MCCC2: variants seen among roughly 807,000 people sequenced by gnomAD.
The protein encoded by MCCC2 is methylcrotonoyl-CoA carboxylase beta chain, mitochondrial.
MCCC2 carries 52 observed loss-of-function variants against 77.2 expected under a neutral mutation model. That is an observed-to-expected ratio of 0.67 (90% CI 0.54 to 0.85). MCCC2 has a LOEUF of 0.85. Ranked by LOEUF, MCCC2 falls within the 40% of genes least tolerant of loss-of-function variation. The probability of loss-of-function intolerance (pLI) is 0.00; values close to 1 mark genes in which losing one functional copy is unlikely to be tolerated. For synonymous variants in MCCC2, 253 were observed against 248.4 expected, an observed-to-expected ratio of 1.02 and a Z score of -0.18; for missense variants, 682 against 703.2, an observed-to-expected ratio of 0.97 and a Z score of 0.34.
intron 6 of MCCC2, among the ~76,000 whole-genome samples, 161 bp from the exon 7 acceptor site, chr5:71,626,479 C>T (rs1746529560): frequency 6.6e-6 from 1 of 152,174 alleles, no homozygotes; most frequent in African/African-American, 2.4e-5. Context: ...AGTCAGAAAA[C>T]TATTTCAAAC....
chr5:71,644,972 T>G (rs558180568), intron 12 of MCCC2, among the ~76,000 whole-genome samples: 17 of 152,318 alleles, frequency 1.1e-4, no homozygotes, highest in African/African-American at 3.8e-4. Context: ...TAGTTTCCTT[T>G]TTTTAAAAAA....
At position 71,656,944 on chromosome 5, in the gene MCCC2, G is replaced by A. The variant is rs1747598043; in HGVS notation, c.*84G>A. 2 of 1,029,334 alleles carry A rather than the reference G, an allele frequency of 1.9e-6. No individual in the cohort carries two copies. The highest frequency in any genetic ancestry group is 3.1e-6 in the Non-Finnish European group (2 of 652,816). 63.8% of individuals were successfully genotyped at this position (1,029,334 alleles called of 1,614,324 possible). On this transcript the variant is annotated 3_prime_UTR_variant, in exon 17 of 17. Coordinates refer to ENST00000340941, the MANE Select transcript of MCCC2 (RefSeq NM_022132.5). The stretch of plus-strand genomic sequence containing the variant: ...TTAAAATTTTAGACTTCTCGAACAT[G>A]AGGCTGTTACAGTAATTTTTTTAAC...
At chr5:71,631,860 G>T (rs190362977) in intron 7 of MCCC2, among the ~76,000 whole-genome samples, 1 of 151,892 alleles carries the variant, frequency 6.6e-6, no homozygotes, top group Admixed American at 6.6e-5. Context: ...AGCTGGAAAC[G>T]TGTGGGCTCA....
intron 16 of MCCC2, among the ~76,000 whole-genome samples, chr5:71,653,648 G>A (rs1358799598): frequency 1.3e-5 from 2 of 151,978 alleles, no homozygotes; most frequent in African/African-American, 4.8e-5. Flanking sequence ...CCAGGAGTTC[G>A]AAACTAGCGG....
chr5:71,619,109 C>T (rs2112389169), intron 6 of MCCC2, among the ~76,000 whole-genome samples: 1 of 152,226 alleles, frequency 6.6e-6, no homozygotes, highest in African/African-American at 2.4e-5. Context: ...TCTCAGGTTT[C>T]CCTTTCTCCC....
intron 6 of MCCC2, among the ~76,000 whole-genome samples, chr5:71,619,095 T>C (rs1746279696): frequency 6.6e-6 from 1 of 152,140 alleles, no homozygotes; most frequent in African/African-American, 2.4e-5. Flanking sequence ...ATATTTAAAA[T>C]TATTCTCAGG....
chr5:71,593,062 G>GA, intron 2 of MCCC2, 70 bp downstream of exon 2: 3 of 1,269,736 alleles, frequency 2.4e-6, no homozygotes, highest in Non-Finnish European at 3.4e-6. Flanking sequence ...TTGCTTTTAG[G>GA]AAAAATACTG....
chr5:71,638,144 T>G (rs1746994604), intron 10 of MCCC2, among the ~76,000 whole-genome samples: 1 of 152,236 alleles, frequency 6.6e-6, no homozygotes, highest in Non-Finnish European at 1.5e-5. Context: ...GAGTACATTC[T>G]ATCTCAAGAA....
chr5:71,641,099 T>C, intron 11 of MCCC2, 24 bp downstream of exon 11: 2 of 1,595,576 alleles, frequency 1.3e-6, no homozygotes, highest in Non-Finnish European at 8.6e-7. Flanking sequence ...GAATTGAAAA[T>C]ACGAACATTT....
chr5:71,601,976 C>T lies in MCCC2; in HGVS notation c.384-530C>T, dbSNP rs182931890. On this transcript the variant is annotated intron_variant, in intron 4 of 16. Coordinates refer to ENST00000340941, the MANE Select transcript of MCCC2 (RefSeq NM_022132.5). ...TCATTCTGACTTCAGTTAAGATGAA[C>T]GTTATATTTTAGACTACATTTAGTT... Among the ~76,000 whole-genome samples the T allele has an allele frequency of 1.4e-4, 22 of 152,170 alleles. No homozygotes were observed. In the East Asian group the frequency reaches 4.0e-3, roughly 28 times the overall value.
chr5:71,597,616 G>T (rs1192673089), intron 3 of MCCC2, among the ~76,000 whole-genome samples: 1 of 152,124 alleles, frequency 6.6e-6, no homozygotes, highest in Non-Finnish European at 1.5e-5. Context: ...TGAAGGATTG[G>T]ATATGGAGTG....
At chr5:71,637,379 A>G (rs1337629432) in intron 10 of MCCC2, among the ~76,000 whole-genome samples, 3 of 152,260 alleles carry the variant, frequency 2.0e-5, no homozygotes, top group African/African-American at 7.2e-5. Context: ...TTGGTTTTCC[A>G]GAGCATATAA....
At chr5:71,626,340 G>T (rs1440225305) in intron 6 of MCCC2, among the ~76,000 whole-genome samples, 2 of 152,152 alleles carry the variant, frequency 1.3e-5, no homozygotes, top group Non-Finnish European at 2.9e-5. Flanking sequence ...TAGGTATATT[G>T]TGGATTTCTT....
intron 6 of MCCC2, among the ~76,000 whole-genome samples, chr5:71,611,799 T>G (rs6874363): frequency 0.019 from 2,871 of 151,608 alleles, 89 homozygotes; most frequent in African/African-American, 0.066. Flanking sequence ...TTTTCTTTTT[T>G]TTTTTTTGAG....
intron 2 of MCCC2, among the ~76,000 whole-genome samples, chr5:71,595,430 A>AAT (rs1745145051): frequency 6.7e-6 from 1 of 148,444 alleles, no homozygotes; most frequent in South Asian, 2.1e-4. Flanking sequence ...TCTTGTCTCA[A>AAT]AAAAAAAAAA....
At chr5:71,593,643 C>T (rs1370122446) in intron 2 of MCCC2, among the ~76,000 whole-genome samples, 3 of 151,884 alleles carry the variant, frequency 2.0e-5, no homozygotes, top group African/African-American at 7.3e-5. Flanking sequence ...TCATCTTGGC[C>T]TCCCAAAGTG....
intron 6 of MCCC2, among the ~76,000 whole-genome samples, chr5:71,614,483 T>C (rs912803422): frequency 3.9e-5 from 4 of 101,292 alleles, no homozygotes; most frequent in Non-Finnish European, 9.0e-5. Context: ...TCTCTCTCTC[T>C]CTTTTTTTTT....
At chr5:71,653,850 C>CAA (rs33938603) in intron 16 of MCCC2, among the ~76,000 whole-genome samples, 5 of 122,646 alleles carry the variant, frequency 4.1e-5, no homozygotes, top group African/African-American at 1.6e-4. Context: ...GGCCCTATCT[C>CAA]AAAAAAAAAA....
intron 1 of MCCC2, among the ~76,000 whole-genome samples, chr5:71,591,664 C>T (rs761753283): frequency 6.6e-6 from 1 of 151,640 alleles, no homozygotes; most frequent in Non-Finnish European, 1.5e-5. Context: ...CTCGAACTCC[C>T]GACCGTAGGT....
Sources: allele counts gnomAD v4.1 joint callset (sites outside exome capture counted in the v4.1 genomes callset), GRCh38; gene constraint gnomAD v4.1.1; transcripts MANE v1.5; gene names NCBI Gene and HGNC (gene_info 2026-07-23, HGNC 2026-07-21).